KCNMB2: variants seen among roughly 807,000 people sequenced by gnomAD.
The protein encoded by KCNMB2 is potassium calcium-activated channel subfamily M regulatory beta subunit 2.
A neutral mutation model predicts 24.5 loss-of-function variants in KCNMB2; 9 were observed. That is an observed-to-expected ratio of 0.37 (90% CI 0.22 to 0.64). The LOEUF (loss-of-function observed/expected upper bound fraction) is 0.64. Among genes scored for constraint, KCNMB2 ranks in the 30% least tolerant of loss-of-function variants. The pLI, the probability that KCNMB2 is intolerant of heterozygous loss-of-function variation, is 0.63. For synonymous variants in KCNMB2, 109 were observed against 104.4 expected (o/e 1.04, Z -0.27); for missense variants, 226 against 284.3 (o/e 0.79, Z 1.47).
intron 1 of KCNMB2, among the ~76,000 whole-genome samples, chr3:178,586,992 T>C (rs902040502): frequency 7.9e-5 from 12 of 152,164 alleles, no homozygotes; most frequent in African/African-American, 2.4e-4. Flanking sequence ...AACCACCTTT[T>C]GGATACCAAA....
chr3:178,830,998 T>A (rs1233570047), intron 4 of KCNMB2, among the ~76,000 whole-genome samples: 1 of 152,174 alleles, frequency 6.6e-6, no homozygotes, highest in East Asian at 1.9e-4. Flanking sequence ...CACCCTAATA[T>A]CATAAAGTCA....
chr3:178,744,923 A>C (rs977119924), intron 1 of KCNMB2, among the ~76,000 whole-genome samples: 3 of 152,220 alleles, frequency 2.0e-5, no homozygotes, highest in African/African-American at 7.2e-5. Flanking sequence ...ATGGTGAACA[A>C]GCAGACTCTG....
chr3:178,583,738 ATGTT>A (rs1353501818), intron 1 of KCNMB2, among the ~76,000 whole-genome samples: 1 of 152,150 alleles, frequency 6.6e-6, no homozygotes, highest in African/African-American at 2.4e-5. Flanking sequence ...CTTCACAGAG[ATGTT>A]TTGAAGAAGA....
intron 1 of KCNMB2, among the ~76,000 whole-genome samples, chr3:178,537,908 A>G (rs1219062002): frequency 6.6e-6 from 1 of 152,234 alleles, no homozygotes; most frequent in Non-Finnish European, 1.5e-5. Context: ...AAATAATTAT[A>G]AATTTATAAA....
intron 1 of KCNMB2, among the ~76,000 whole-genome samples, chr3:178,654,793 T>C (rs1720261968): frequency 1.3e-5 from 2 of 152,170 alleles, no homozygotes; most frequent in African/African-American, 2.4e-5. Context: ...AGCTGTATTG[T>C]TCTTATTGAA....
chr3:178,636,310 G>A (rs888259173), intron 1 of KCNMB2, among the ~76,000 whole-genome samples: 7 of 152,204 alleles, frequency 4.6e-5, no homozygotes, highest in Non-Finnish European at 5.9e-5. Flanking sequence ...TATACTGCTC[G>A]GGTGATGGGT....
chr3:178,677,175 T>TGTGGCAAG (rs1721098419), intron 1 of KCNMB2, among the ~76,000 whole-genome samples: 3 of 152,194 alleles, frequency 2.0e-5, no homozygotes, highest in Admixed American at 1.3e-4. Flanking sequence ...ACAAAAGCAC[T>TGTGGCAAG]TGCCACAACT....
At chr3:178,639,926 A>C (rs1719663465) in intron 1 of KCNMB2, among the ~76,000 whole-genome samples, 1 of 152,344 alleles carries the variant, frequency 6.6e-6, no homozygotes, top group South Asian at 2.1e-4. Flanking sequence ...GGATGGAATC[A>C]GTGTGAGCAT....
intron 1 of KCNMB2, among the ~76,000 whole-genome samples, chr3:178,782,157 A>G (rs1381552775): frequency 8.6e-6 from 1 of 116,438 alleles, no homozygotes; most frequent in Non-Finnish European, 1.8e-5. Context: ...TCCATGGTGT[A>G]TATGTGCCAC....
At chr3:178,725,008 G>A (rs1017905556) in intron 1 of KCNMB2, among the ~76,000 whole-genome samples, 1 of 151,854 alleles carries the variant, frequency 6.6e-6, no homozygotes, top group Non-Finnish European at 1.5e-5. Flanking sequence ...CTCTTTTTTG[G>A]TGAGAAATGA....
chr3:178,647,696 G>A (rs1719965959), intron 1 of KCNMB2, among the ~76,000 whole-genome samples: 1 of 152,064 alleles, frequency 6.6e-6, no homozygotes, highest in Non-Finnish European at 1.5e-5. Flanking sequence ...GATAACCAAG[G>A]CAGTTTTATT....
chr3:178,798,094 G>C (rs939599996), intron 1 of KCNMB2, among the ~76,000 whole-genome samples: 2 of 152,152 alleles, frequency 1.3e-5, no homozygotes, highest in African/African-American at 4.8e-5. Flanking sequence ...AAGACAATTT[G>C]ACTTCCTCTC....
At chr3:178,675,826 C>G (rs1428720694) in intron 1 of KCNMB2, among the ~76,000 whole-genome samples, 3 of 152,136 alleles carry the variant, frequency 2.0e-5, no homozygotes, top group African/African-American at 7.2e-5. Flanking sequence ...TCCTGTCAGA[C>G]AGAGAGAAAC....
Position 178,646,036 on chromosome 3 carries a change from T to C in KCNMB2, c.-68+109325T>C, listed in dbSNP as rs555656290. Among the ~76,000 whole-genome samples, 5 of 152,268 alleles carry C rather than the reference T, an allele frequency of 3.3e-5. No individual in the cohort carries two copies. In the East Asian group the frequency reaches 5.8e-4, roughly 18 times the overall value. Reference sequence around the variant, plus strand: ...CCCTCGCGTCTCACATCCATCTGCATACAGTTACCTGCATCCATGGTTATC... The same window carrying C: ...CCCTCGCGTCTCACATCCATCTGCACACAGTTACCTGCATCCATGGTTATC... On this transcript the variant is annotated intron_variant, in intron 1 of 4. Coordinates refer to ENST00000452583, the MANE Select transcript of KCNMB2 (RefSeq NM_181361.3).
chr3:178,540,077 C>T (rs1715566658), intron 1 of KCNMB2, among the ~76,000 whole-genome samples: 1 of 152,132 alleles, frequency 6.6e-6, no homozygotes, highest in Non-Finnish European at 1.5e-5. Flanking sequence ...AGGATATGTT[C>T]AAAATCAAAG....
intron 1 of KCNMB2, among the ~76,000 whole-genome samples, chr3:178,674,043 T>C (rs762569732): frequency 6.6e-6 from 1 of 152,210 alleles, no homozygotes; most frequent in Non-Finnish European, 1.5e-5. Context: ...TCAGAAACAT[T>C]TGACACCATT....
At chr3:178,773,254 T>C (rs1480354864) in intron 1 of KCNMB2, among the ~76,000 whole-genome samples, 2 of 152,088 alleles carry the variant, frequency 1.3e-5, no homozygotes, top group African/African-American at 4.8e-5. Context: ...AATCTTAATA[T>C]ATACTAAATA....
At chr3:178,686,464 C>T (rs959965748) in intron 1 of KCNMB2, among the ~76,000 whole-genome samples, 4 of 152,060 alleles carry the variant, frequency 2.6e-5, no homozygotes, top group African/African-American at 9.7e-5. Context: ...GAGGTAAAGA[C>T]GTTCTTTTCT....
At chr3:178,546,048 A>C (rs897241160) in intron 1 of KCNMB2, among the ~76,000 whole-genome samples, 12 of 152,200 alleles carry the variant, frequency 7.9e-5, no homozygotes, top group Admixed American at 7.2e-4. Flanking sequence ...ATAGAACAGC[A>C]CAGGACTCAT....
Sources: allele counts gnomAD v4.1 joint callset (sites outside exome capture counted in the v4.1 genomes callset), GRCh38; gene constraint gnomAD v4.1.1; transcripts MANE v1.5; gene names NCBI Gene and HGNC (gene_info 2026-07-23, HGNC 2026-07-21).